The following GABRB3 variants were observed in gnomAD, a reference collection of about 807,000 sequenced individuals.
GABRB3 encodes the protein gamma-aminobutyric acid type A receptor subunit beta3, also known as gamma-aminobutyric acid receptor subunit beta-3.
GABRB3 carries 14 observed loss-of-function variants against 52.1 expected under a neutral mutation model. That is an observed-to-expected ratio of 0.27 (90% CI 0.18 to 0.42). The LOEUF (loss-of-function observed/expected upper bound fraction) is 0.42, where lower values mean the gene tolerates loss of function less well. Among genes scored for constraint, GABRB3 ranks in the 10% least tolerant of loss-of-function variants. The pLI is 1.00. For missense variants in GABRB3, 307 were observed against 609.1 expected (o/e 0.50, Z 5.22); for synonymous variants, 260 against 232.3 (o/e 1.12, Z -1.08).
At chr15:26,655,849 TAGAC>T (rs1887356743) in intron 3 of GABRB3, among the ~76,000 whole-genome samples, 1 of 152,176 alleles carries the variant, frequency 6.6e-6, no homozygotes, top group South Asian at 2.1e-4. Context: ...ATCAGCTCAT[TAGAC>T]AGACCAAAGA....
intron 3 of GABRB3, among the ~76,000 whole-genome samples, chr15:26,666,126 G>T (rs1887703454): frequency 6.6e-6 from 1 of 152,148 alleles, no homozygotes; most frequent in Non-Finnish European, 1.5e-5. Flanking sequence ...CACTAGCACT[G>T]AAAAATGGCC....
intron 4 of GABRB3, among the ~76,000 whole-genome samples, chr15:26,604,319 A>G (rs1389677665): frequency 6.6e-6 from 1 of 152,174 alleles, no homozygotes. Flanking sequence ...AAGAATCATT[A>G]TTGTTAAAAT....
At chr15:26,722,047 A>ATT (rs1020138817) in intron 3 of GABRB3, among the ~76,000 whole-genome samples, 51 of 152,026 alleles carry the variant, frequency 3.4e-4, no homozygotes, top group African/African-American at 1.2e-3. Context: ...AATGCAATCC[A>ATT]TTTTTTTTAA....
chr15:26,654,478 A>C (rs1298785546), intron 3 of GABRB3, among the ~76,000 whole-genome samples: 1 of 150,300 alleles, frequency 6.7e-6, no homozygotes, highest in Non-Finnish European at 1.5e-5. Context: ...GGTTTGGCCA[A>C]GTGCAGTAGC....
At chr15:26,646,675 G>A (rs1053202602) in intron 3 of GABRB3, among the ~76,000 whole-genome samples, 1 of 152,042 alleles carries the variant, frequency 6.6e-6, no homozygotes, top group African/African-American at 2.4e-5. Flanking sequence ...AACATATAAA[G>A]TTTCCAATTT....
chr15:26,686,489 C>T lies in GABRB3; in HGVS notation c.241-64955G>A, dbSNP rs1332091677. 2.0e-5 allele frequency among the ~76,000 whole-genome samples: 3 copies of T among 152,196 alleles called. No individual in the cohort carries two copies. The East Asian group carries it at 5.8e-4, about 29-fold the overall frequency. On this transcript the variant is annotated intron_variant, in intron 3 of 8. Coordinates refer to ENST00000311550, the MANE Select transcript of GABRB3 (RefSeq NM_000814.6). The stretch of plus-strand genomic sequence containing the variant: ...ACAGTATGAGATCCATTACTATACA[C>T]AAAGCTCTAAAAATCATGCAACTCC...
intron 3 of GABRB3, among the ~76,000 whole-genome samples, chr15:26,706,672 A>G (rs1265165215): frequency 6.6e-6 from 1 of 152,228 alleles, no homozygotes; most frequent in Admixed American, 6.5e-5. Context: ...AGTAAAAAGG[A>G]CCTCAAAGTA....
intron 6 of GABRB3, among the ~76,000 whole-genome samples, chr15:26,572,894 G>C (rs1392122971): frequency 6.6e-6 from 1 of 152,198 alleles, no homozygotes; most frequent in African/African-American, 2.4e-5. Flanking sequence ...ACCTAGTGAA[G>C]ATGCTGATCC....
Position 26,571,665 on chromosome 15 carries a change from C to T in GABRB3, c.683-3932G>A, listed in dbSNP as rs944004993. Among the ~76,000 whole-genome samples, 10 of 152,142 alleles carry T rather than the reference C, an allele frequency of 6.6e-5. No homozygotes were observed. In the East Asian group the frequency reaches 7.7e-4, roughly 12 times the overall value. ...ATTAGGGACCTTGAAGAAGAGAATA[C>T]GAAACTGATTTCAAAAACACATTAC... is the stretch of plus-strand genomic sequence containing the variant. On this transcript the variant is annotated intron_variant, in intron 6 of 8. Coordinates refer to ENST00000311550, the MANE Select transcript of GABRB3 (RefSeq NM_000814.6).
At chr15:26,765,104 G>A (rs186235337) in intron 3 of GABRB3, among the ~76,000 whole-genome samples, 6 of 133,410 alleles carry the variant, frequency 4.5e-5, no homozygotes, top group African/African-American at 8.4e-5. Context: ...CACTCCAGCC[G>A]GGGTGACAGA....
intron 6 of GABRB3, 39 bp from the exon 7 acceptor site, chr15:26,567,772 A>T: frequency 6.2e-7 from 1 of 1,602,870 alleles, no homozygotes; most frequent in South Asian, 1.1e-5. Context: ...TGGAGAAACA[A>T]CATGGCAGAC....
chr15:26,642,386 C>G (rs1303853369), intron 3 of GABRB3: 2 of 919,930 alleles, frequency 2.2e-6, no homozygotes, highest in Non-Finnish European at 3.0e-6. Context: ...TGGAACCAAT[C>G]CCCTGAATAT....
At chr15:26,596,959 T>C (rs1891414925) in intron 4 of GABRB3, among the ~76,000 whole-genome samples, 1 of 152,142 alleles carries the variant, frequency 6.6e-6, no homozygotes, top group Non-Finnish European at 1.5e-5. Context: ...CTCGAGGCAG[T>C]GTAGTGTATA....
intron 6 of GABRB3, among the ~76,000 whole-genome samples, chr15:26,570,715 T>C (rs1383299963): frequency 6.6e-6 from 1 of 152,236 alleles, no homozygotes; most frequent in African/African-American, 2.4e-5. Context: ...GCGTCTTTCC[T>C]TATCTATACC....
At chr15:26,763,708 A>G (rs1261330326) in intron 3 of GABRB3, among the ~76,000 whole-genome samples, 2 of 152,014 alleles carry the variant, frequency 1.3e-5, no homozygotes, top group African/African-American at 4.8e-5. Flanking sequence ...GTAAAGTCTT[A>G]TTCAAAAAAA....
At chr15:26,650,385 G>A (rs1887158685) in intron 3 of GABRB3, among the ~76,000 whole-genome samples, 1 of 152,142 alleles carries the variant, frequency 6.6e-6, no homozygotes, top group Non-Finnish European at 1.5e-5. Context: ...GGGTGATGCT[G>A]AGAGAGGGAC....
chr15:26,558,963 GGGGAAGCCCCA>G (rs1207205775), intron 8 of GABRB3, among the ~76,000 whole-genome samples: 1 of 152,190 alleles, frequency 6.6e-6, no homozygotes, highest in Non-Finnish European at 1.5e-5. Context: ...CTTGGCTTCT[GGGGAAGCCCCA>G]GGAAACTTAT....
intron 6 of GABRB3, among the ~76,000 whole-genome samples, chr15:26,570,489 A>G (rs905953422): frequency 9.2e-5 from 14 of 152,244 alleles, no homozygotes; most frequent in South Asian, 2.1e-4. Flanking sequence ...GTCATGCCAC[A>G]GTCAAAATCT....
At chr15:26,600,500 C>T (rs2140499520) in intron 4 of GABRB3, among the ~76,000 whole-genome samples, 1 of 152,140 alleles carries the variant, frequency 6.6e-6, no homozygotes, top group East Asian at 1.9e-4. Context: ...AAACATATCG[C>T]ATATAAGAGG....
Sources: gnomAD v4.1 joint callset for allele counts (sites outside exome capture counted in the v4.1 genomes callset) on GRCh38, gnomAD v4.1.1 for gene constraint, MANE v1.5 for transcripts, NCBI Gene and HGNC (gene_info 2026-07-23, HGNC 2026-07-21) for gene names.